NOTCH2: variants seen among roughly 807,000 people sequenced by gnomAD.
NOTCH2 encodes the protein neurogenic locus notch homolog protein 2.
A neutral mutation model predicts 235.8 loss-of-function variants in NOTCH2; 29 were observed. That is an observed-to-expected ratio of 0.12 (90% confidence interval 0.09 to 0.17). NOTCH2 has a LOEUF of 0.17. Ranked by LOEUF, NOTCH2 falls within the 10% of genes least tolerant of loss-of-function variation. The pLI is 1.00. For missense variants in NOTCH2, 2,285 were observed against 3,150.2 expected (o/e 0.73, Z 6.57); for synonymous variants, 1,086 against 1,141.5 (o/e 0.95, Z 0.98).
intron 5 of NOTCH2, among the ~76,000 whole-genome samples, chr1:119,973,900 G>C (rs1651463991): frequency 6.6e-6 from 1 of 152,132 alleles, no homozygotes; most frequent in African/African-American, 2.4e-5. Context: ...TGGGGTTTTA[G>C]AAGAAGAAAA....
chr1:119,951,797 A>C (rs138452351), intron 14 of NOTCH2, among the ~76,000 whole-genome samples: 2 of 152,380 alleles, frequency 1.3e-5, no homozygotes, highest in African/African-American at 4.8e-5. Flanking sequence ...ATGGTCTAGG[A>C]ATGCAGAGGT....
intron 15 of NOTCH2, chr1:119,950,490 T>G (rs1467061768): frequency 3.0e-6 from 2 of 658,912 alleles, no homozygotes; most frequent in Admixed American, 4.1e-5. Context: ...AAAAAAAATT[T>G]CTTTCAAATA....
intron 31 of NOTCH2, 109 bp downstream of exon 31, chr1:119,919,203 T>C: frequency 4.1e-6 from 5 of 1,229,102 alleles, no homozygotes; most frequent in Non-Finnish European, 4.6e-6. Flanking sequence ...CCTGCCCTAA[T>C]CTCTCAAATG....
rs2101137907 is a variant in NOTCH2 at position 119,912,511 on chromosome 1, C to T, written c.*2795G>A. ...ATATTTTAATTCTCAGACTCTCTTT[C>T]CCTCATACCTTTCCCTTCCCCACCT... On this transcript the variant is annotated 3_prime_UTR_variant, in exon 34 of 34. Coordinates refer to ENST00000256646, the MANE Select transcript of NOTCH2 (RefSeq NM_024408.4). 4.3e-6 allele frequency: 1 copy of T among 233,256 alleles called. No individual in the cohort carries two copies. Among genetic ancestry groups the T allele is most frequent in the African/African-American group, 2.2e-5 (1 of 45,452 alleles). The allele number at this position is 233,256 out of a possible 1,614,324, so 14.4% of individuals were successfully genotyped here. A position where few individuals can be genotyped will look rare whatever the true frequency, so the allele number is the denominator to read the frequency against.
rs757543412 is a variant in NOTCH2 at position 119,915,382 on chromosome 1, C to A, written c.7340G>T (p.Gly2447Val). The A allele has an allele frequency of 6.2e-7, 1 of 1,614,010 alleles. No homozygotes were observed. The highest frequency in any genetic ancestry group is 1.1e-5 in the South Asian group (1 of 91,066). ...SDVTTSPTPG[G>V]AGGGQRGPGT... Reference sequence around the variant, plus strand: ...AGGTCCCCGCTGACCTCCTCCAGCACCCCCAGGGGTAGGGCTGGTGGTCAC... The same window carrying A: ...AGGTCCCCGCTGACCTCCTCCAGCAACCCCAGGGGTAGGGCTGGTGGTCAC... Residue 2447 changes from glycine to valine, a missense_variant, in exon 34 of 34, where the codon GGT becomes GTT. Physicochemically the swap from Gly to Val is moderately radical, Grantham distance 109 (BLOSUM62 -3). Coordinates refer to ENST00000256646, the MANE Select transcript of NOTCH2 (RefSeq NM_024408.4).
intron 3 of NOTCH2, among the ~76,000 whole-genome samples, chr1:120,003,502 C>T (rs1452438446): frequency 3.3e-5 from 5 of 152,016 alleles, no homozygotes; most frequent in African/African-American, 9.7e-5. Flanking sequence ...CAGTATTCTA[C>T]ACTAACTGAT....
chr1:120,037,943 T>A (rs1177015695), intron 1 of NOTCH2, among the ~76,000 whole-genome samples: 1 of 152,118 alleles, frequency 6.6e-6, no homozygotes, highest in Non-Finnish European at 1.5e-5. Flanking sequence ...ACTAATAGAC[T>A]TTTCATACTA....
intron 1 of NOTCH2, among the ~76,000 whole-genome samples, chr1:120,048,487 C>G (rs1242087055): frequency 1.9e-5 from 2 of 103,104 alleles, no homozygotes; most frequent in Admixed American, 1.0e-4. Context: ...CTTGCTCTGT[C>G]ACCCAGACAG....
chr1:119,946,025 T>G (rs1379478977), intron 17 of NOTCH2, among the ~76,000 whole-genome samples: 2 of 152,092 alleles, frequency 1.3e-5, no homozygotes, highest in African/African-American at 4.8e-5. Flanking sequence ...TCTAATAGAC[T>G]ATTAAAGCAC....
At chr1:120,067,329 C>T (rs1655546509) in intron 1 of NOTCH2, among the ~76,000 whole-genome samples, 1 of 149,904 alleles carries the variant, frequency 6.7e-6, no homozygotes, top group Non-Finnish European at 1.5e-5. Context: ...TCCTTTGAGT[C>T]AACTTGACTA....
chr1:119,914,384 G>A lies in NOTCH2; in HGVS notation c.*922C>T, dbSNP rs2101139888. On this transcript the variant is annotated 3_prime_UTR_variant, in exon 34 of 34. Coordinates refer to ENST00000256646, the MANE Select transcript of NOTCH2 (RefSeq NM_024408.4). ...CTTTTTCTGGTTTTAAAAAAGTGGG[G>A]AGGGTCATAGTAACTAGACTATCAA... The A allele has an allele frequency of 4.3e-6, 1 of 233,102 alleles. No homozygotes were observed. Among genetic ancestry groups the A allele is most frequent in the South Asian group, 1.8e-4 (1 of 5,510 alleles). 14.4% of individuals were successfully genotyped at this position (233,102 alleles called of 1,614,324 possible). A position where few individuals can be genotyped will look rare whatever the true frequency, so the allele number is the denominator to read the frequency against.
At chr1:119,942,998 G>A (rs973940035) in intron 17 of NOTCH2, among the ~76,000 whole-genome samples, 4 of 150,750 alleles carry the variant, frequency 2.7e-5, no homozygotes, top group South Asian at 2.1e-4. Flanking sequence ...TCAGCCTCCC[G>A]AGTAGCTGGA....
At chr1:120,042,014 C>T (rs1486203888) in intron 1 of NOTCH2, among the ~76,000 whole-genome samples, 1 of 144,974 alleles carries the variant, frequency 6.9e-6, no homozygotes. Flanking sequence ...AGCGAGCGAG[C>T]GAACGAGCAG....
At position 119,922,203 on chromosome 1, in the gene NOTCH2, T is replaced by C. The variant is rs962780218; in HGVS notation, c.5213+33A>G. On this transcript the variant is annotated intron_variant, in intron 28 of 33. Coordinates refer to ENST00000256646, the MANE Select transcript of NOTCH2 (RefSeq NM_024408.4). ...CTTTTCTAGTCATCCCTACTTATAC[T>C]GTGAATAGTGGCTTATTGGCAATGC... is the stretch of plus-strand genomic sequence containing the variant. 13 of 1,599,164 alleles carry C rather than the reference T, an allele frequency of 8.1e-6. No individual in the cohort carries two copies. The African/African-American group carries it at 1.3e-4, about 16-fold the overall frequency.
chr1:119,915,761 CCCCCG>C lies in NOTCH2; in HGVS notation c.6956_6960del (p.Ala2319GlyfsTer79). 6.2e-7 allele frequency: 1 copy of C among 1,607,354 alleles called. No individual in the cohort carries two copies. Among genetic ancestry groups the C allele is most frequent in the Non-Finnish European group, 8.5e-7 (1 of 1,175,450 alleles). ...GGGCAGGTGGACTGAGGCTGGGGAG[CCCCCG>C]CTGGTTGGGCAATACTGCCTTTAGG... On this transcript the variant is annotated frameshift_variant, in exon 34 of 34. Coordinates refer to ENST00000256646, the MANE Select transcript of NOTCH2 (RefSeq NM_024408.4). LOFTEE classifies it high-confidence loss of function.
intron 4 of NOTCH2, 138 bp from the exon 5 acceptor site, chr1:119,987,220 T>C (rs782585094): frequency 3.0e-6 from 3 of 990,798 alleles, no homozygotes; most frequent in Non-Finnish European, 4.6e-6. Flanking sequence ...GGACTCACCA[T>C]ATGAAAAATC....
intron 17 of NOTCH2, among the ~76,000 whole-genome samples, chr1:119,945,934 G>T (rs1650238023): frequency 6.6e-6 from 1 of 151,978 alleles, no homozygotes; most frequent in Non-Finnish European, 1.5e-5. Context: ...AAAAAAATCT[G>T]CAAAACAGAC....
intron 23 of NOTCH2, among the ~76,000 whole-genome samples, chr1:119,928,466 G>A (rs187541284): frequency 1.3e-5 from 2 of 152,326 alleles, no homozygotes; most frequent in East Asian, 1.9e-4. Context: ...GCCATCACAT[G>A]TCAAAGGAGG....
Position 119,963,760 on chromosome 1 carries a change from C to T in NOTCH2, c.1729G>A (p.Asp577Asn), listed in dbSNP as rs1651031464. Residue 577 changes from aspartate (D) to asparagine (N), a missense_variant, in exon 11 of 34, where the codon GAT (aspartate) becomes AAT (asparagine). By Grantham distance (23) the Asp-to-Asn change is conservative (BLOSUM62 1). Around this residue, in one of 6 missense-constraint regions of NOTCH2, gnomAD observed 431 missense variants for 757.8 expected, o/e 0.57. Coordinates refer to ENST00000256646, the MANE Select transcript of NOTCH2 (RefSeq NM_024408.4). ...TGACACTGACCATGGTGGCAAGGATCGGGGTCACAGTTGTCAATGTTCTCC... is the reference window on the plus strand; with the variant it reads ...TGACACTGACCATGGTGGCAAGGATTGGGGTCACAGTTGTCAATGTTCTCC... ...CEENIDNCDP[D>N]PCHHGQCQDG... 6.2e-7 allele frequency: 1 copy of T among 1,613,988 alleles called. No individual in the cohort carries two copies. The highest frequency in any genetic ancestry group is 8.5e-7 in the Non-Finnish European group (1 of 1,180,006).
Sources: gnomAD v4.1 joint callset for allele counts (sites outside exome capture counted in the v4.1 genomes callset) on GRCh38, gnomAD v4.1.1 for gene constraint, gnomAD v4.1.1 regional missense constraint, MANE v1.5 for transcripts, NCBI Gene and HGNC (gene_info 2026-07-23, HGNC 2026-07-21) for gene names.